The following LINC00237 variants were observed in gnomAD, a reference collection of about 807,000 sequenced individuals.
LINC00237 encodes the protein long intergenic non-protein coding RNA 237.
chr20:21,100,459 G>T (rs1359355756), intron 1 of LINC00237, among the ~76,000 whole-genome samples: 2 of 152,270 alleles, frequency 1.3e-5, no homozygotes, highest in African/African-American at 4.8e-5. Context: ...ATCGCTAGGG[G>T]CCCGGCGTGG....
At position 21,086,649 on chromosome 20, in the gene LINC00237, C is replaced by CTATATATGTATAGTATACTATACATA. The variant is rs1373371880; in HGVS notation, n.560-762_560-761insTATGTATAGTATACTATACATATATA. Among the ~76,000 whole-genome samples the CTATATATGTATAGTATACTATACATA allele has an allele frequency of 1.6e-3, 202 of 124,092 alleles. 1 individual carries two copies. The highest frequency in any genetic ancestry group is 3.2e-3 in the African/African-American group (102 of 31,930). 81.4% of individuals were successfully genotyped at this position (124,092 alleles called of 152,430 possible). On this transcript the variant is annotated intron_variant and non_coding_transcript_variant, in intron 3 of 3. Transcript: ENST00000691244. ...TATATAGTATACTATATATAGTATA[C>CTATATATGTATAGTATACTATACATA]TATATATGTATAGTATACTATATAT...
intron 1 of LINC00237, among the ~76,000 whole-genome samples, chr20:21,103,542 C>T (rs1279747472): frequency 6.6e-6 from 1 of 152,262 alleles, no homozygotes; most frequent in African/African-American, 2.4e-5. Flanking sequence ...CAATTTGAAC[C>T]GGCTGGGTGT....
chr20:21,101,638 C>T lies in LINC00237; in HGVS notation n.88+4633G>A, dbSNP rs530469613. 1 of 152,420 alleles carries T rather than the reference C, an allele frequency of 6.6e-6. No homozygotes were observed. The highest frequency in any genetic ancestry group is 1.9e-4 in the East Asian group (1 of 5,176). 9.4% of individuals were successfully genotyped at this position (152,420 alleles called of 1,614,324 possible). A position where few individuals can be genotyped will look rare whatever the true frequency, so the allele number is the denominator to read the frequency against. ...CGTTCCACCGGGTAGCTCCGCCCTT[C>T]CTTTTGCTCAGGCAGCTAACTTTGG... On this transcript the variant is annotated intron_variant and non_coding_transcript_variant, in intron 1 of 3. Coordinates refer to ENST00000691244, the Ensembl canonical transcript of LINC00237. The surrounding 1 kb of genome is among the most constrained non-coding windows in gnomAD (Gnocchi z 4.3).
chr20:21,092,489 G>A lies in LINC00237; in HGVS notation n.472+980C>T, dbSNP rs557675224. Among the ~76,000 whole-genome samples the A allele has an allele frequency of 2.6e-5, 4 of 152,338 alleles. No homozygotes were observed. The South Asian group carries it at 6.2e-4, about 24-fold the overall frequency. ...ACTTTGAGGTTGAATGCCCTAGGTA[G>A]AAGGGAGAGCCACATCCAGGAGCTT... On this transcript the variant is annotated intron_variant and non_coding_transcript_variant, in intron 2 of 3. Transcript: ENST00000691244.
At chr20:21,102,692 A>G (rs1338274505) in intron 1 of LINC00237, among the ~76,000 whole-genome samples, 1 of 120,088 alleles carries the variant, frequency 8.3e-6, no homozygotes, top group African/African-American at 3.3e-5. Flanking sequence ...TTCCTATTTT[A>G]TAAGAAAAAA....
intron 3 of LINC00237, among the ~76,000 whole-genome samples, chr20:21,086,788 T>C (rs1288468251): frequency 4.8e-5 from 6 of 125,660 alleles, no homozygotes; most frequent in Non-Finnish European, 6.5e-5. Context: ...ATGTACTATA[T>C]ATACATATAC....
Position 21,101,795 on chromosome 20 carries a change from C to G in LINC00237, n.88+4476G>C, listed in dbSNP as rs2030935630. On this transcript the variant is annotated intron_variant and non_coding_transcript_variant, in intron 1 of 3. Coordinates refer to ENST00000691244, the Ensembl canonical transcript of LINC00237. This position sits in a 1 kb window ranked among gnomAD's most constrained non-coding sequence, Gnocchi z 4.3. ...AGAAAGGTTTCCTCGGCTGCGCCACCGTGGGGATGGAGGTGGGAGTTGGAA... is the reference window on the plus strand; with the variant it reads ...AGAAAGGTTTCCTCGGCTGCGCCACGGTGGGGATGGAGGTGGGAGTTGGAA... Among the ~76,000 whole-genome samples the G allele has an allele frequency of 6.6e-6, 1 of 152,072 alleles. No individual in the cohort carries two copies. The highest frequency in any genetic ancestry group is 2.4e-5 in the African/African-American group (1 of 41,442).
At chr20:21,095,447 G>A (rs1052882992) in intron 1 of LINC00237, among the ~76,000 whole-genome samples, 3 of 152,208 alleles carry the variant, frequency 2.0e-5, no homozygotes, top group Non-Finnish European at 4.4e-5. Context: ...AAGTTTTGGG[G>A]TGATTCATTA....
intron 1 of LINC00237, among the ~76,000 whole-genome samples, chr20:21,104,901 C>T (rs899004669): frequency 1.3e-5 from 2 of 152,216 alleles, no homozygotes; most frequent in African/African-American, 4.8e-5. Flanking sequence ...CCTCTGTTTA[C>T]AAGCCCATTT....
intron 1 of LINC00237, among the ~76,000 whole-genome samples, chr20:21,095,922 A>G (rs554281071): frequency 1.4e-3 from 215 of 152,344 alleles, no homozygotes; most frequent in Non-Finnish European, 2.3e-3. Flanking sequence ...TGGTCTATAC[A>G]TATTCCAGCT....
At chr20:21,092,016 G>A (rs1269599174) in intron 2 of LINC00237, among the ~76,000 whole-genome samples, 2 of 151,918 alleles carry the variant, frequency 1.3e-5, no homozygotes, top group Non-Finnish European at 2.9e-5. Context: ...AAATCCCTTA[G>A]TTTTGGCTTT....
At chr20:21,094,334 CAG>C (rs1472848166) in intron 1 of LINC00237, among the ~76,000 whole-genome samples, 1 of 152,132 alleles carries the variant, frequency 6.6e-6, no homozygotes, top group African/African-American at 2.4e-5. Context: ...TCAAACTGTA[CAG>C]AGTGTTCTTG....
intron 2 of LINC00237, among the ~76,000 whole-genome samples, chr20:21,091,005 CT>C (rs2030784680): frequency 1.3e-5 from 2 of 152,022 alleles, no homozygotes; most frequent in South Asian, 2.1e-4. Context: ...TCTAACCACT[CT>C]TTGGGAAAGT....
At chr20:21,104,539 C>T (rs1236332489) in intron 1 of LINC00237, among the ~76,000 whole-genome samples, 2 of 152,262 alleles carry the variant, frequency 1.3e-5, no homozygotes, top group Admixed American at 6.5e-5. Flanking sequence ...GGTGCGGCCC[C>T]TGGAGAAAGA....
intron 1 of LINC00237, among the ~76,000 whole-genome samples, chr20:21,094,188 A>G (rs944970225): frequency 6.6e-6 from 1 of 152,198 alleles, no homozygotes; most frequent in Non-Finnish European, 1.5e-5. Context: ...ACTGTAGAGA[A>G]ATCTACTAGA....
chr20:21,086,890 G>T (rs1353716343), intron 3 of LINC00237, among the ~76,000 whole-genome samples: 1 of 130,686 alleles, frequency 7.7e-6, no homozygotes. Flanking sequence ...TAGTATATAT[G>T]TACTATATAT....
chr20:21,086,487 CTA>C (rs946591641), intron 3 of LINC00237, among the ~76,000 whole-genome samples: 1 of 146,548 alleles, frequency 6.8e-6, no homozygotes, highest in African/African-American at 2.5e-5. Flanking sequence ...AGATATGTAT[CTA>C]TATATATAGA....
chr20:21,086,069 C>T (rs1361157395), intron 3 of LINC00237, among the ~76,000 whole-genome samples: 1 of 152,230 alleles, frequency 6.6e-6, no homozygotes, highest in Non-Finnish European at 1.5e-5. Flanking sequence ...CGTAAAGGGA[C>T]TCTAAGCAAA....
At chr20:21,096,787 G>T (rs975656363) in intron 1 of LINC00237, among the ~76,000 whole-genome samples, 10 of 152,156 alleles carry the variant, frequency 6.6e-5, no homozygotes, top group Admixed American at 5.2e-4. Context: ...GCCCTCTCAG[G>T]CTCAGCCTAC....
Sources: gnomAD v4.1 joint callset for allele counts (sites outside exome capture counted in the v4.1 genomes callset) on GRCh38, gnomAD v4.1.1 for gene constraint, Gnocchi (gnomAD v3.1) non-coding constraint, MANE v1.5 for transcripts, NCBI Gene and HGNC (gene_info 2026-07-23, HGNC 2026-07-21) for gene names.